The following USP10 variants were observed in gnomAD, a reference collection of about 807,000 sequenced individuals.
USP10 encodes ubiquitin carboxyl-terminal hydrolase 10.
In USP10, 22 loss-of-function variants were observed where a neutral mutation model predicts 84.5. The ratio of observed to expected loss-of-function variants is 0.26; its 90% confidence interval spans 0.19 to 0.37. The LOEUF (loss-of-function observed/expected upper bound fraction) is 0.37. Among genes scored for constraint, USP10 ranks in the 10% least tolerant of loss-of-function variants. The pLI, the probability that USP10 is intolerant of heterozygous loss-of-function variation, is 1.00. For missense variants in USP10, 1,019 were observed against 998.9 expected (o/e 1.02, Z -0.27); for synonymous variants, 454 against 387.6 (o/e 1.17, Z -2.01).
intron 11 of USP10, among the ~76,000 whole-genome samples, chr16:84,769,118 A>G (rs774669506): frequency 6.6e-6 from 1 of 152,222 alleles, no homozygotes; most frequent in Non-Finnish European, 1.5e-5. Context: ...ATGCAGGCTG[A>G]TAATTATGGA....
rs779001911 is a variant in USP10, at chr16:84,745,154, G to T, written c.673G>T (p.Asp225Tyr). 6.2e-7 allele frequency: 1 copy of T among 1,613,336 alleles called. No homozygotes were observed. Among genetic ancestry groups the T allele is most frequent in the African/African-American group, 1.3e-5 (1 of 74,894 alleles). The change falls in exon 4 of 14, where the codon GAC becomes TAC. Residue 225 changes from aspartate (D) to tyrosine (Y), a missense_variant. Physicochemically the swap from Asp to Tyr is radical, Grantham distance 160. This residue lies in a region of USP10 where 787 missense variants were observed against 708.8 expected (regional missense o/e 1.11). Coordinates refer to ENST00000219473, the MANE Select transcript of USP10 (RefSeq NM_005153.3). ...AGACTCTGTCAGTGACATTGTGCCT[G>T]ACAGTCCTTTCCCCGGAGCACTCGG... is the stretch of plus-strand genomic sequence containing the variant. ...STDSVSDIVP[D>Y]SPFPGALGSD...
At chr16:84,718,866 C>A (rs1907407795) in intron 1 of USP10, among the ~76,000 whole-genome samples, 1 of 151,852 alleles carries the variant, frequency 6.6e-6, no homozygotes, top group African/African-American at 2.4e-5. Flanking sequence ...AGTCTCAGCT[C>A]ACTGCAACCT....
At chr16:84,763,351 C>T (rs1251452519) in intron 9 of USP10, among the ~76,000 whole-genome samples, 1 of 152,066 alleles carries the variant, frequency 6.6e-6, no homozygotes, top group African/African-American at 2.4e-5. Context: ...TGATGAATAC[C>T]TTTATAATTG....
At chr16:84,744,584 T>TA (rs777556188) in intron 3 of USP10, 49 bp from the exon 4 acceptor site, 46 of 1,488,302 alleles carry the variant, frequency 3.1e-5, no homozygotes, top group East Asian at 4.7e-5. Context: ...TACTGGTACT[T>TA]AGAGTTTGTA....
chr16:84,771,499 AAAAC>A (rs1256293072), intron 11 of USP10, among the ~76,000 whole-genome samples: 9 of 152,280 alleles, frequency 5.9e-5, no homozygotes, highest in South Asian at 2.1e-4. Flanking sequence ...CTGTCTTAAA[AAAAC>A]AAACAAACAA....
At chr16:84,736,409 G>C (rs749174288) in intron 2 of USP10, among the ~76,000 whole-genome samples, 37 of 152,236 alleles carry the variant, frequency 2.4e-4, no homozygotes, top group Non-Finnish European at 5.4e-4. Flanking sequence ...TTGCTTGGCA[G>C]CTTGCCACTG....
At chr16:84,707,923 C>G (rs1430489083) in intron 1 of USP10, among the ~76,000 whole-genome samples, 1 of 151,756 alleles carries the variant, frequency 6.6e-6, no homozygotes, top group Admixed American at 6.6e-5. Context: ...TACAAAAATA[C>G]AAAAATTCAC....
At chr16:84,761,013 A>G (rs1401559242) in intron 8 of USP10, among the ~76,000 whole-genome samples, 1 of 152,224 alleles carries the variant, frequency 6.6e-6, no homozygotes, top group Non-Finnish European at 1.5e-5. Flanking sequence ...GCATCGTTGC[A>G]GGATACCACC....
chr16:84,759,893 T>G lies in USP10; in HGVS notation c.1397T>G (p.Val466Gly). ...CTSTPMIDSF[V>G]RLMNEFTNMP... is the part of the protein sequence containing the mutation. ...TAACATTTTTTCCCCATGTTTAGTGTTCGGCTAATGAATGAGTTCACTAAT... is the reference window on the plus strand; with the variant it reads ...TAACATTTTTTCCCCATGTTTAGTGGTCGGCTAATGAATGAGTTCACTAAT... Residue 466 changes from valine (V) to glycine (G), a missense_variant and splice_region_variant, in exon 7 of 14, where the codon GTT becomes GGT. Val to Gly is a moderately radical substitution (Grantham distance 109, BLOSUM62 -3). Around this residue, in one of 2 missense-constraint regions of USP10, gnomAD observed 787 missense variants for 708.8 expected, o/e 1.11. Transcript: ENST00000219473. The G allele has an allele frequency of 1.2e-6, 2 of 1,613,984 alleles. No homozygotes were observed. Among genetic ancestry groups the G allele is most frequent in the Non-Finnish European group, 1.7e-6 (2 of 1,179,886 alleles).
chr16:84,736,135 C>T (rs1290916922), intron 2 of USP10, among the ~76,000 whole-genome samples: 4 of 151,992 alleles, frequency 2.6e-5, no homozygotes, highest in African/African-American at 9.7e-5. Context: ...CACAGTTTGG[C>T]CTTTTATCTC....
chr16:84,744,811 T>C lies in USP10; in HGVS notation c.330T>C (p.Tyr110=), dbSNP rs368129911. 16 of 1,613,666 alleles carry C rather than the reference T, an allele frequency of 9.9e-6. No homozygotes were observed. The African/African-American group carries it at 2.0e-4, about 20-fold the overall frequency. Residue 110 remains tyrosine (Y), a synonymous_variant, in exon 4 of 14, where the codon TAT becomes TAC. Transcript: ENST00000219473. ...ATGGTATCACTAAAGAAGCAAGCTA[T>C]GGCTCCATCGACTGCCAGTACCCAG... The part of the protein sequence containing the change: ...TPDGITKEAS[Y]GSIDCQYPGS...
chr16:84,761,025 G>C (rs767840729), intron 8 of USP10, among the ~76,000 whole-genome samples: 8 of 152,188 alleles, frequency 5.3e-5, no homozygotes, highest in Non-Finnish European at 1.2e-4. Flanking sequence ...GATACCACCA[G>C]GGGTAGCATA....
intron 1 of USP10, among the ~76,000 whole-genome samples, chr16:84,706,705 T>A (rs970876490): frequency 3.3e-5 from 5 of 151,788 alleles, no homozygotes; most frequent in African/African-American, 9.7e-5. Context: ...CACGCCCAGC[T>A]AATTTTTTGT....
At chr16:84,759,670 T>C (rs541593638) in intron 6 of USP10, among the ~76,000 whole-genome samples, 198 bp downstream of exon 6, 9 of 152,346 alleles carry the variant, frequency 5.9e-5, no homozygotes, top group African/African-American at 2.2e-4. Context: ...CTGTGTTCTT[T>C]AGATTCAGTA....
chr16:84,714,709 A>G (rs1183462151), intron 1 of USP10, among the ~76,000 whole-genome samples: 1 of 151,992 alleles, frequency 6.6e-6, no homozygotes, highest in African/African-American at 2.4e-5. Context: ...TTCCTAGAGC[A>G]AATTAAGCAC....
intron 4 of USP10, among the ~76,000 whole-genome samples, chr16:84,754,837 C>G (rs192189266): frequency 9.9e-5 from 15 of 152,258 alleles, no homozygotes; most frequent in Admixed American, 2.0e-4. Flanking sequence ...GGGCCCCTAA[C>G]TCAGTTAAGA....
chr16:84,710,966 C>G (rs997897744), intron 1 of USP10, among the ~76,000 whole-genome samples: 16 of 152,220 alleles, frequency 1.1e-4, no homozygotes, highest in Non-Finnish European at 2.4e-4. Flanking sequence ...CATCTCCAGT[C>G]TAGGTTAGGC....
At chr16:84,771,530 C>G (rs1419862937) in intron 11 of USP10, among the ~76,000 whole-genome samples, 1 of 152,090 alleles carries the variant, frequency 6.6e-6, no homozygotes, top group Non-Finnish European at 1.5e-5. Flanking sequence ...CCACCTAATC[C>G]TACTGGTATC....
At chr16:84,777,043 C>T (rs1042113158) in intron 13 of USP10, among the ~76,000 whole-genome samples, 2 of 152,244 alleles carry the variant, frequency 1.3e-5, no homozygotes, top group African/African-American at 4.8e-5. Context: ...CTATTCTGAT[C>T]TTGGAAATGA....
Sources: allele counts gnomAD v4.1 joint callset (sites outside exome capture counted in the v4.1 genomes callset), GRCh38; gene constraint gnomAD v4.1.1; regional missense constraint gnomAD v4.1.1; transcripts MANE v1.5; gene names NCBI Gene and HGNC (gene_info 2026-07-23, HGNC 2026-07-21).